The following MTA3 variants were observed in gnomAD, a reference collection of about 807,000 sequenced individuals.
MTA3 encodes the protein metastasis associated 1 family member 3, also known as metastasis-associated protein MTA3.
Under a neutral mutation model 83.5 loss-of-function variants are expected in MTA3, and 34 were observed. The observed-to-expected ratio is 0.41, with a 90% confidence interval of 0.31 to 0.54. The LOEUF (loss-of-function observed/expected upper bound fraction) is 0.54, where lower values mean the gene tolerates loss of function less well. MTA3 is among the 20% of genes least tolerant of loss of function. The pLI, the probability that MTA3 is intolerant of heterozygous loss-of-function variation, is 0.33. For missense variants in MTA3, 761 were observed against 726.4 expected (o/e 1.05, Z -0.55); for synonymous variants, 303 against 252.7 (o/e 1.20, Z -1.89).
intron 5 of MTA3, among the ~76,000 whole-genome samples, chr2:42,643,199 T>C (rs1161660567): frequency 6.6e-6 from 1 of 152,204 alleles, no homozygotes; most frequent in Non-Finnish European, 1.5e-5. Context: ...GGAGAGATTT[T>C]TACTGTCTGA....
At chr2:42,638,964 C>G (rs1403073980) in intron 4 of MTA3, among the ~76,000 whole-genome samples, 1 of 150,306 alleles carries the variant, frequency 6.7e-6, no homozygotes, top group Non-Finnish European at 1.5e-5. Context: ...TGTGTTAGCA[C>G]TTTTAGTATT....
intron 8 of MTA3, among the ~76,000 whole-genome samples, chr2:42,681,789 G>T (rs1691944667): frequency 1.3e-5 from 2 of 151,762 alleles, no homozygotes; most frequent in African/African-American, 2.4e-5. Flanking sequence ...GGGATTACAG[G>T]CATGAGCCAC....
chr2:42,594,259 TTTTTTTA>T (rs1243416352), intron 3 of MTA3, among the ~76,000 whole-genome samples: 2 of 121,804 alleles, frequency 1.6e-5, no homozygotes, highest in African/African-American at 3.2e-5. Flanking sequence ...TTTTTTTTTT[TTTTTTTA>T]AAAGACAGTC....
intron 2 of MTA3, among the ~76,000 whole-genome samples, chr2:42,538,758 G>T (rs1304938473): frequency 4.6e-5 from 6 of 129,096 alleles, no homozygotes; most frequent in East Asian, 2.1e-4. Context: ...AGAAAAAAAT[G>T]TTTTTTTTGT....
chr2:42,605,166 AGAGGCGCCCCT>A (rs1683104148), intron 3 of MTA3, among the ~76,000 whole-genome samples: 1 of 145,318 alleles, frequency 6.9e-6, no homozygotes, highest in African/African-American at 2.5e-5. Flanking sequence ...GCGGCCGGGC[AGAGGCGCCCCT>A]CACCTCCCGG....
intron 8 of MTA3, among the ~76,000 whole-genome samples, chr2:42,666,866 G>A (rs556771837): frequency 6.6e-6 from 1 of 152,178 alleles, no homozygotes; most frequent in East Asian, 1.9e-4. Flanking sequence ...TGGGACATAG[G>A]TTCTTATTGA....
In MTA3 at chr2:42,599,614, T is replaced by TGTG. The variant is rs1682299686; in HGVS notation, c.191-9844_191-9843insGTG. Among the ~76,000 whole-genome samples, 5 of 152,072 alleles carry TGTG rather than the reference T, an allele frequency of 3.3e-5. No homozygotes were observed. In the South Asian group the frequency reaches 1.0e-3, roughly 32 times the overall value. On this transcript the variant is annotated intron_variant, in intron 3 of 16. Transcript: ENST00000405094. ...CCAAAAAAAAAGAAAAGAGTAGTGG[T>TGTG]AATTCATGTGGGTGAAACTGCAGTT...
chr2:42,497,872 G>A (rs1303126012), intron 2 of MTA3, among the ~76,000 whole-genome samples: 1 of 152,124 alleles, frequency 6.6e-6, no homozygotes, highest in Non-Finnish European at 1.5e-5. Flanking sequence ...TCATTCCTGG[G>A]TTCTAAATAA....
intron 14 of MTA3, among the ~76,000 whole-genome samples, chr2:42,711,772 G>A (rs2104515605): frequency 1.4e-5 from 1 of 70,766 alleles, no homozygotes; most frequent in East Asian, 3.9e-4. Flanking sequence ...GAGTGTATAG[G>A]AGAGAGAGAG....
chr2:42,536,479 A>G (rs1676242088), intron 2 of MTA3, among the ~76,000 whole-genome samples: 1 of 151,616 alleles, frequency 6.6e-6, no homozygotes, highest in Non-Finnish European at 1.5e-5. Context: ...CCATCTCAAA[A>G]ATAAAGGAAA....
chr2:42,745,053 T>A (rs1669312450), intron 16 of MTA3, among the ~76,000 whole-genome samples: 1 of 152,248 alleles, frequency 6.6e-6, no homozygotes, highest in Non-Finnish European at 1.5e-5. Flanking sequence ...CCCTTCCAAA[T>A]GACTGAGCAC....
At chr2:42,739,664 T>C (rs776942361) in intron 16 of MTA3, among the ~76,000 whole-genome samples, 20 of 152,250 alleles carry the variant, frequency 1.3e-4, no homozygotes, top group Admixed American at 8.5e-4. Flanking sequence ...TGGCGTGTGA[T>C]GCTCTTTGAT....
intron 2 of MTA3, among the ~76,000 whole-genome samples, chr2:42,503,687 A>T (rs1463279751): frequency 6.6e-6 from 1 of 152,126 alleles, no homozygotes; most frequent in African/African-American, 2.4e-5. Context: ...GGTGCCCAGC[A>T]GGCCCCTAAG....
intron 4 of MTA3, among the ~76,000 whole-genome samples, chr2:42,631,804 C>G (rs142496453): frequency 0.023 from 3,514 of 152,100 alleles, 67 homozygotes; most frequent in Non-Finnish European, 0.037. Context: ...ATTCTCCTGC[C>G]TCAGCCTCCC....
At chr2:42,753,262 C>T in intron 16 of MTA3, 112 bp from the exon 17 acceptor site, 1 of 1,524,534 alleles carries the variant, frequency 6.6e-7, no homozygotes, top group Non-Finnish European at 8.8e-7. Flanking sequence ...TACTGCTGAG[C>T]CTCCTTTCCC....
rs368916301 is a variant in MTA3, at chr2:42,570,216, G to A, written c.29-221G>A. Among the ~76,000 whole-genome samples, 17 of 152,248 alleles carry A rather than the reference G, an allele frequency of 1.1e-4. No individual in the cohort carries two copies. In the South Asian group the frequency reaches 3.3e-3, roughly 30 times the overall value. ...TTGGGACAGAAGTCTAGGAGAAACTGATAAAACATTAATTGAAATGAAAAT... is the reference window on the plus strand; with the variant it reads ...TTGGGACAGAAGTCTAGGAGAAACTAATAAAACATTAATTGAAATGAAAAT... On this transcript the variant is annotated intron_variant, in intron 1 of 16. Coordinates refer to ENST00000405094, the MANE Select transcript of MTA3 (RefSeq NM_001330442.2).
intron 15 of MTA3, among the ~76,000 whole-genome samples, chr2:42,720,951 C>CAAAAAAA (rs377702701): frequency 2.3e-4 from 16 of 69,578 alleles, no homozygotes; most frequent in African/African-American, 5.9e-4. Flanking sequence ...GACCCTGTCT[C>CAAAAAAA]AAAAAAAAAA....
At chr2:42,713,319 T>C (rs1278580507) in intron 14 of MTA3, among the ~76,000 whole-genome samples, 1 of 149,698 alleles carries the variant, frequency 6.7e-6, no homozygotes, top group Non-Finnish European at 1.5e-5. Flanking sequence ...AAAATGTGTT[T>C]TATGAGATTT....
At chr2:42,503,921 C>CTT (rs34028665) in intron 2 of MTA3, among the ~76,000 whole-genome samples, 52,178 of 111,128 alleles carry the variant, frequency 0.47, 12,865 homozygotes, top group African/African-American at 0.58. Flanking sequence ...GAACCACATT[C>CTT]TTTTTTTTTT....
Sources: allele counts gnomAD v4.1 joint callset (sites outside exome capture counted in the v4.1 genomes callset), GRCh38; gene constraint gnomAD v4.1.1; transcripts MANE v1.5; gene names NCBI Gene and HGNC (gene_info 2026-07-23, HGNC 2026-07-21).